The following LAMA2 variants were observed in gnomAD, a reference collection of about 807,000 sequenced individuals.
LAMA2 encodes laminin subunit alpha 2.
LAMA2 carries 269 observed loss-of-function variants against 364.8 expected under a neutral mutation model. The ratio of observed to expected loss-of-function variants is 0.74; its 90% CI spans 0.67 to 0.82. The LOEUF (loss-of-function observed/expected upper bound fraction) is 0.82. Among genes scored for constraint, LAMA2 ranks in the 40% least tolerant of loss-of-function variants. LAMA2 has a pLI of 0.00. For missense variants in LAMA2, 3,807 were observed against 3,873.2 expected (o/e 0.98, Z 0.45); for synonymous variants, 1,379 against 1,370.6 (o/e 1.01, Z -0.14).
chr6:129,440,113 C>T (rs2114763960), intron 42 of LAMA2, among the ~76,000 whole-genome samples: 1 of 152,192 alleles, frequency 6.6e-6, no homozygotes, highest in Non-Finnish European at 1.5e-5. Context: ...ACAGAGGAAA[C>T]TTAAACCCCA....
At chr6:129,320,455 G>A (rs1774894458) in intron 27 of LAMA2, 83 bp from the exon 28 acceptor site, 18 of 842,194 alleles carry the variant, frequency 2.1e-5, no homozygotes, top group Non-Finnish European at 3.3e-5. Flanking sequence ...AACGTGAGAA[G>A]GATATTGCTG....
intron 18 of LAMA2, among the ~76,000 whole-genome samples, chr6:129,287,417 G>A (rs1789346272): frequency 6.6e-6 from 1 of 152,108 alleles, no homozygotes; most frequent in Non-Finnish European, 1.5e-5. Context: ...TTGCGAGCCT[G>A]TTTCCTCATA....
intron 46 of LAMA2, 46 bp from the exon 47 acceptor site, chr6:129,454,109 G>A: frequency 6.4e-7 from 1 of 1,571,040 alleles, no homozygotes. Flanking sequence ...CTCTTTAAAG[G>A]TGCTTTATAT....
rs957925657 is a variant in LAMA2 at position 129,299,703 on chromosome 6, C to A, written c.3038-1033C>A. 2.6e-5 allele frequency among the ~76,000 whole-genome samples: 4 copies of A among 152,266 alleles called. No homozygotes were observed. In the East Asian group the frequency reaches 7.7e-4, roughly 29 times the overall value. On this transcript the variant is annotated intron_variant, in intron 21 of 64. Coordinates refer to ENST00000421865, the MANE Select transcript of LAMA2 (RefSeq NM_000426.4). ...GCAACAACAGTAATAACCAAAACAG[C>A]AATGACTAACATTTATTTAGTGTTT...
intron 4 of LAMA2, among the ~76,000 whole-genome samples, chr6:129,115,881 A>G (rs1282751773): frequency 6.6e-6 from 1 of 152,194 alleles, no homozygotes; most frequent in Non-Finnish European, 1.5e-5. Flanking sequence ...TAAGGTGCAG[A>G]TGTAATAAAT....
intron 12 of LAMA2, among the ~76,000 whole-genome samples, chr6:129,226,137 T>C (rs189413448): frequency 1.3e-3 from 195 of 152,352 alleles, no homozygotes; most frequent in African/African-American, 4.5e-3. Flanking sequence ...GTCTGTTTTA[T>C]CAGAGACTAG....
At chr6:129,029,531 G>A (rs1217345188) in intron 1 of LAMA2, among the ~76,000 whole-genome samples, 13 of 151,832 alleles carry the variant, frequency 8.6e-5, no homozygotes, top group Admixed American at 7.9e-4. Context: ...CTTTTTAAAT[G>A]TCTAGAAATA....
intron 12 of LAMA2, among the ~76,000 whole-genome samples, chr6:129,212,028 T>A (rs893977403): frequency 6.6e-6 from 1 of 152,228 alleles, no homozygotes; most frequent in African/African-American, 2.4e-5. Context: ...TCCTAAATTT[T>A]AAAAAATTTG....
intron 1 of LAMA2, among the ~76,000 whole-genome samples, chr6:129,043,277 A>G (rs979585903): frequency 6.6e-6 from 1 of 152,174 alleles, no homozygotes; most frequent in Admixed American, 6.5e-5. Context: ...GTTGTCATAT[A>G]TATTCTATTT....
chr6:129,142,120 G>A (rs1004692645), intron 4 of LAMA2, among the ~76,000 whole-genome samples: 9 of 151,930 alleles, frequency 5.9e-5, no homozygotes, highest in Admixed American at 5.3e-4. Context: ...CCATATTGAT[G>A]GATATTAGGT....
intron 3 of LAMA2, among the ~76,000 whole-genome samples, chr6:129,080,311 A>G (rs1773956759): frequency 6.6e-6 from 1 of 152,180 alleles, no homozygotes; most frequent in Admixed American, 6.5e-5. Flanking sequence ...TATACTCCAG[A>G]TGACCTGAAC....
At chr6:129,427,220 T>C (rs1256809827) in intron 40 of LAMA2, among the ~76,000 whole-genome samples, 3 of 152,224 alleles carry the variant, frequency 2.0e-5, no homozygotes, top group Non-Finnish European at 1.5e-5. Flanking sequence ...GATGCATTTT[T>C]TAAAAGAAGC....
At chr6:128,906,559 C>T (rs1345782626) in intron 1 of LAMA2, among the ~76,000 whole-genome samples, 15 of 149,086 alleles carry the variant, frequency 1.0e-4, no homozygotes, top group South Asian at 4.3e-4. Flanking sequence ...GAGTAGGTTG[C>T]GAAAATTTTC....
chr6:129,194,598 C>T (rs1207741562), intron 12 of LAMA2, among the ~76,000 whole-genome samples: 2 of 152,152 alleles, frequency 1.3e-5, no homozygotes, highest in East Asian at 1.9e-4. Flanking sequence ...CCTGTACTGC[C>T]GTTTCCATTC....
intron 47 of LAMA2, among the ~76,000 whole-genome samples, chr6:129,454,992 A>C (rs1354764652): frequency 6.6e-6 from 1 of 152,158 alleles, no homozygotes; most frequent in East Asian, 1.9e-4. Flanking sequence ...GAAGACTTAA[A>C]GAACTGGTTA....
At chr6:128,902,407 A>G (rs962357202) in intron 1 of LAMA2, among the ~76,000 whole-genome samples, 3 of 152,232 alleles carry the variant, frequency 2.0e-5, no homozygotes, top group Non-Finnish European at 1.5e-5. Flanking sequence ...AGAAGAAAAC[A>G]CATAATTTTG....
At chr6:129,474,535 G>A (rs1783974347) in intron 52 of LAMA2, among the ~76,000 whole-genome samples, 3 of 152,124 alleles carry the variant, frequency 2.0e-5, no homozygotes, top group African/African-American at 7.2e-5. Context: ...CCAAAAGTTT[G>A]TTGAGTATCT....
intron 32 of LAMA2, among the ~76,000 whole-genome samples, chr6:129,355,557 A>T (rs1202729865): frequency 1.3e-5 from 2 of 152,160 alleles, no homozygotes; most frequent in Non-Finnish European, 2.9e-5. Flanking sequence ...GATCTGCAGG[A>T]CCTGTTTTAG....
intron 40 of LAMA2, among the ~76,000 whole-genome samples, chr6:129,404,291 GA>G (rs11451502): frequency 9.9e-5 from 15 of 151,212 alleles, no homozygotes; most frequent in Admixed American, 7.2e-4. Flanking sequence ...TAGTAAAAAA[GA>G]AAAAAAAGTA....
Sources: gnomAD v4.1 joint callset for allele counts (sites outside exome capture counted in the v4.1 genomes callset) on GRCh38, gnomAD v4.1.1 for gene constraint, MANE v1.5 for transcripts, NCBI Gene and HGNC (gene_info 2026-07-23, HGNC 2026-07-21) for gene names.